The following SP2 variants were observed in gnomAD, a reference collection of about 807,000 sequenced individuals.
SP2 encodes transcription factor Sp2.
A neutral mutation model predicts 50.1 loss-of-function variants in SP2; 9 were observed. That is an observed-to-expected ratio of 0.18 (90% CI 0.11 to 0.31). The LOEUF is 0.31. Among genes scored for constraint, SP2 ranks in the 10% least tolerant of loss-of-function variants. The pLI is 1.00. For missense variants in SP2, 581 were observed against 806.5 expected (o/e 0.72, Z 3.39); for synonymous variants, 313 against 326.6 (o/e 0.96, Z 0.45).
chr17:47,926,978 C>G (rs2035675250), intron 6 of SP2, among the ~76,000 whole-genome samples: 1 of 152,126 alleles, frequency 6.6e-6, no homozygotes, highest in Non-Finnish European at 1.5e-5. Flanking sequence ...GGAGTCAACA[C>G]TCCACAGAAA....
chr17:47,911,659 A>T (rs11650395), intron 1 of SP2, among the ~76,000 whole-genome samples: 3 of 151,872 alleles, frequency 2.0e-5, no homozygotes, highest in Non-Finnish European at 4.4e-5. Context: ...ACAAAAAATT[A>T]GCCGGGCGTG....
At chr17:47,899,649 ACCT>A (rs1279124653) in intron 1 of SP2, 1 of 152,182 alleles carries the variant, frequency 6.6e-6, no homozygotes, top group Non-Finnish European at 1.5e-5. Flanking sequence ...TGAAAAAAGA[ACCT>A]CCACATGAGT....
intron 1 of SP2, among the ~76,000 whole-genome samples, chr17:47,902,984 G>A (rs1226999359): frequency 2.0e-5 from 3 of 152,154 alleles, no homozygotes; most frequent in African/African-American, 7.2e-5. Flanking sequence ...TCCAACTCCT[G>A]ACCTCAGGTG....
chr17:47,916,112 C>T lies in SP2; in HGVS notation c.85-44C>T, dbSNP rs1422263802. ...ATCATGGACAGAGGCGGCCGGGCAG[C>T]GGGCCTTCCTGTCTCACTCCTTTTC... is the stretch of plus-strand genomic sequence containing the variant. On this transcript the variant is annotated intron_variant, in intron 2 of 6. Coordinates refer to ENST00000376741, the MANE Select transcript of SP2 (RefSeq NM_003110.6). The surrounding 1 kb of genome is among the most constrained non-coding windows in gnomAD (Gnocchi z 4.7). 3.2e-6 allele frequency: 5 copies of T among 1,557,610 alleles called. No individual in the cohort carries two copies. The highest frequency in any genetic ancestry group is 1.4e-5 in the African/African-American group (1 of 73,586).
chr17:47,897,745 A>C (rs1242879948), intron 1 of SP2: 13 of 455,322 alleles, frequency 2.9e-5, no homozygotes, highest in Non-Finnish European at 3.8e-5. Flanking sequence ...ACACAAAGAA[A>C]CCCATTGTCT....
chr17:47,920,127 C>CA (rs1246746305), intron 3 of SP2, among the ~76,000 whole-genome samples: 1 of 151,898 alleles, frequency 6.6e-6, no homozygotes, highest in African/African-American at 2.4e-5. Context: ...TGGCCATTGG[C>CA]AGCTCTTTCA....
chr17:47,908,645 C>A (rs967370600), intron 1 of SP2: 2 of 152,078 alleles, frequency 1.3e-5, no homozygotes, highest in Admixed American at 1.3e-4. Flanking sequence ...AAATCCGCCT[C>A]CCGGGTTCAA....
chr17:47,929,300 C>A (rs537727356), downstream of SP2, among the ~76,000 whole-genome samples: 5 of 152,342 alleles, frequency 3.3e-5, no homozygotes, highest in African/African-American at 1.2e-4. Flanking sequence ...CACCCACCTC[C>A]CCAACCCCTG....
At chr17:47,905,936 C>A (rs1269905886) in intron 1 of SP2, among the ~76,000 whole-genome samples, 1 of 152,128 alleles carries the variant, frequency 6.6e-6, no homozygotes, top group African/African-American at 2.4e-5. Context: ...AAATGAAAAA[C>A]TGAAGTGTGT....
At chr17:47,931,704 C>T (rs376552359), downstream of SP2, among the ~76,000 whole-genome samples, 3 of 152,324 alleles carry the variant, frequency 2.0e-5, no homozygotes, top group African/African-American at 7.2e-5. Context: ...ATGAAGGCAT[C>T]TTCTCTGCCT....
At chr17:47,913,195 A>G (rs569923503) in intron 1 of SP2, among the ~76,000 whole-genome samples, 1 of 151,188 alleles carries the variant, frequency 6.6e-6, no homozygotes, top group South Asian at 2.1e-4. Context: ...ATTCCTTACA[A>G]GGACTCAACC....
chr17:47,912,127 A>G (rs1179716127), intron 1 of SP2, among the ~76,000 whole-genome samples: 1 of 152,276 alleles, frequency 6.6e-6, no homozygotes, highest in African/African-American at 2.4e-5. Flanking sequence ...AGATTTGTTC[A>G]GCATGACCTG....
At chr17:47,896,319 G>C in intron 1 of SP2, 26 bp downstream of exon 1, 1 of 1,236,394 alleles carries the variant, frequency 8.1e-7, no homozygotes, top group East Asian at 3.2e-5. Flanking sequence ...TGCCGGCGGG[G>C]TCTTCCCGGC....
At chr17:47,927,531 C>CAAAAAAAAA (rs61309845) in intron 6 of SP2, among the ~76,000 whole-genome samples, 193 bp from the exon 7 acceptor site, 1 of 83,966 alleles carries the variant, frequency 1.2e-5, no homozygotes. Flanking sequence ...GACTCCATCT[C>CAAAAAAAAA]AAAAAAAAAA....
rs144853626 is a variant in SP2, at chr17:47,905,674, A to G, written c.7+9381A>G. On this transcript the variant is annotated intron_variant, in intron 1 of 6. Coordinates refer to ENST00000376741, the MANE Select transcript of SP2 (RefSeq NM_003110.6). ...TCCTGTTACGTGCTCTCCCCAAGTCAGGCCTAGAAAGACCGTGGGACAGGG... is the reference window on the plus strand; with the variant it reads ...TCCTGTTACGTGCTCTCCCCAAGTCGGGCCTAGAAAGACCGTGGGACAGGG... Among the ~76,000 whole-genome samples, 421 of 152,290 alleles carry G rather than the reference A, an allele frequency of 2.8e-3. 3 individuals carry two copies. The highest frequency in any genetic ancestry group is 9.8e-3 in the African/African-American group (407 of 41,550).
At chr17:47,910,310 A>C (rs527916557) in intron 1 of SP2, among the ~76,000 whole-genome samples, 42 of 152,364 alleles carry the variant, frequency 2.8e-4, no homozygotes, top group African/African-American at 7.5e-4. Flanking sequence ...GTCACATGTA[A>C]TAAGGGAGTT....
At position 47,916,605 on chromosome 17, in the gene SP2, C is replaced by T. The variant is rs111389976; in HGVS notation, c.534C>T (p.Pro178=). 79 of 1,614,180 alleles carry T rather than the reference C, an allele frequency of 4.9e-5. 1 individual carries two copies. The African/African-American group carries it at 8.3e-4, about 17-fold the overall frequency. The stretch of plus-strand genomic sequence containing the variant: ...CACCGTCCAGTCACAAGCCTGTCCC[C>T]ATCAAGCCAGCCCCCATCCAGAAGT... The part of the protein sequence containing the change: ...TPSPSSHKPV[P]IKPAPIQKSS... Residue 178 remains proline, a synonymous_variant, in exon 3 of 7, where the codon CCC becomes CCT. Coordinates refer to ENST00000376741, the MANE Select transcript of SP2 (RefSeq NM_003110.6). The surrounding 1 kb of genome is among the most constrained non-coding windows in gnomAD (Gnocchi z 4.7).
At chr17:47,900,675 G>A (rs1173886089) in intron 1 of SP2, among the ~76,000 whole-genome samples, 1 of 152,184 alleles carries the variant, frequency 6.6e-6, no homozygotes, top group East Asian at 1.9e-4. Flanking sequence ...TACTGCAGAG[G>A]CTGAGGCACG....
intron 1 of SP2, among the ~76,000 whole-genome samples, chr17:47,912,670 C>A (rs1026453708): frequency 2.6e-5 from 4 of 151,662 alleles, no homozygotes; most frequent in African/African-American, 9.7e-5. Context: ...GTCTCAAATT[C>A]CTGGCCTCAA....
Sources: allele counts gnomAD v4.1 joint callset (sites outside exome capture counted in the v4.1 genomes callset), GRCh38; gene constraint gnomAD v4.1.1; non-coding constraint Gnocchi (gnomAD v3.1); transcripts MANE v1.5; gene names NCBI Gene and HGNC (gene_info 2026-07-23, HGNC 2026-07-21).